SUGCT: variants seen among roughly 807,000 people sequenced by gnomAD.
SUGCT encodes the protein succinyl-CoA:glutarate-CoA transferase, also known as succinyl-CoA:glutarate CoA-transferase.
Under a neutral mutation model 55.0 loss-of-function variants are expected in SUGCT, and 41 were observed. The ratio of observed to expected loss-of-function variants is 0.74; its 90% confidence interval spans 0.58 to 0.97. SUGCT has a LOEUF of 0.97. Ranked by LOEUF, SUGCT falls within the 50% of genes least tolerant of loss-of-function variation. The pLI, the probability that SUGCT is intolerant of heterozygous loss-of-function variation, is 0.00. For missense variants in SUGCT, 568 were observed against 547.8 expected (o/e 1.04, Z -0.37); for synonymous variants, 187 against 200.4 (o/e 0.93, Z 0.56).
At chr7:40,231,309 G>T (rs1469082383) in intron 6 of SUGCT, among the ~76,000 whole-genome samples, 1 of 152,134 alleles carries the variant, frequency 6.6e-6, no homozygotes, top group Non-Finnish European at 1.5e-5. Context: ...CTAAGTTACT[G>T]GTAGACGTAA....
At chr7:40,773,771 C>A (rs1584419813) in intron 13 of SUGCT, among the ~76,000 whole-genome samples, 2 of 152,104 alleles carry the variant, frequency 1.3e-5, no homozygotes, top group African/African-American at 4.8e-5. Flanking sequence ...AAGGTGTGCA[C>A]CCCCATGGAG....
At chr7:40,850,174 TG>T (rs1297376185) in intron 13 of SUGCT, among the ~76,000 whole-genome samples, 1 of 152,140 alleles carries the variant, frequency 6.6e-6, no homozygotes, top group Non-Finnish European at 1.5e-5. Flanking sequence ...CTCCTTCCTT[TG>T]CTCTCTTTCT....
chr7:40,277,188 T>C (rs1792558452), intron 8 of SUGCT, among the ~76,000 whole-genome samples: 1 of 152,170 alleles, frequency 6.6e-6, no homozygotes, highest in Admixed American at 6.5e-5. Flanking sequence ...TATTTCAGTC[T>C]CATTAACTAT....
intron 12 of SUGCT, among the ~76,000 whole-genome samples, chr7:40,601,756 A>G (rs1456299469): frequency 6.7e-6 from 1 of 149,184 alleles, no homozygotes; most frequent in East Asian, 2.0e-4. Context: ...TTTTTTTCTC[A>G]TCAGCTATCT....
chr7:40,907,126 TGTGTGTGTGTGTGTGAGAGAGAGA>T, the SUGCT span, among the ~76,000 whole-genome samples: 1 of 78,704 alleles, frequency 1.3e-5, no homozygotes, highest in African/African-American at 4.6e-5. Flanking sequence ...TGTGTGTGTG[TGTGTGTGTGTGTGTGAGAGAGAGA>T]GAGAGAGAGA....
At chr7:40,831,868 T>TC (rs1792684632) in intron 13 of SUGCT, among the ~76,000 whole-genome samples, 1 of 152,032 alleles carries the variant, frequency 6.6e-6, no homozygotes, top group Non-Finnish European at 1.5e-5. Flanking sequence ...AGGAAGAGAG[T>TC]ACAGGCTCAC....
chr7:40,248,888 G>GCGCGCACACA (rs774950218), intron 7 of SUGCT, among the ~76,000 whole-genome samples: 10 of 135,574 alleles, frequency 7.4e-5, no homozygotes, highest in African/African-American at 2.9e-4. Context: ...GCGCGCGCTC[G>GCGCGCACACA]CACACACACA....
chr7:40,954,773 C>A, the SUGCT span, among the ~76,000 whole-genome samples: 1 of 152,062 alleles, frequency 6.6e-6, no homozygotes, highest in Non-Finnish European at 1.5e-5. Flanking sequence ...GGTTTTAGGT[C>A]TTATGTTTAA....
intron 9 of SUGCT, among the ~76,000 whole-genome samples, chr7:40,364,802 G>C (rs1583517003): frequency 6.6e-6 from 1 of 152,174 alleles, no homozygotes; most frequent in Middle Eastern, 3.4e-3. Flanking sequence ...TCCAGGACCA[G>C]ATGGATTCAC....
intron 9 of SUGCT, among the ~76,000 whole-genome samples, chr7:40,366,395 A>G (rs908906058): frequency 3.3e-5 from 5 of 152,302 alleles, no homozygotes; most frequent in Admixed American, 1.3e-4. Context: ...AATGGCAACA[A>G]AAGCCAAAAT....
At chr7:40,806,548 T>C (rs1791102814) in intron 13 of SUGCT, among the ~76,000 whole-genome samples, 1 of 152,188 alleles carries the variant, frequency 6.6e-6, no homozygotes. Context: ...AATGATCTTG[T>C]TGTCTTATAC....
intron 9 of SUGCT, among the ~76,000 whole-genome samples, chr7:40,415,268 C>CAAAA (rs35619419): frequency 1.9e-5 from 2 of 107,860 alleles, no homozygotes; most frequent in African/African-American, 3.6e-5. Flanking sequence ...GACTCCATCT[C>CAAAA]AAAAAAAAAA....
chr7:40,417,946 T>C (rs374305515), intron 9 of SUGCT, among the ~76,000 whole-genome samples: 17 of 151,968 alleles, frequency 1.1e-4, no homozygotes, highest in East Asian at 5.8e-4. Flanking sequence ...ATATTATATG[T>C]TATGCAGCAT....
At chr7:40,768,318 G>A (rs936775337) in intron 13 of SUGCT, among the ~76,000 whole-genome samples, 5 of 152,110 alleles carry the variant, frequency 3.3e-5, no homozygotes, top group African/African-American at 1.2e-4. Flanking sequence ...TCTGCAGGAA[G>A]CCTCGGCTGC....
intron 7 of SUGCT, among the ~76,000 whole-genome samples, chr7:40,250,826 T>TTA (rs2150930833): frequency 2.2e-5 from 2 of 92,070 alleles, no homozygotes; most frequent in South Asian, 7.6e-4. Context: ...CATTTCACGC[T>TTA]TCTTTTTTTT....
chr7:40,378,603 G>T (rs1784720571), intron 9 of SUGCT, among the ~76,000 whole-genome samples: 2 of 152,154 alleles, frequency 1.3e-5, no homozygotes, highest in Admixed American at 1.3e-4. Context: ...CTCCTGAGTA[G>T]CTGGGACTAC....
intron 12 of SUGCT, among the ~76,000 whole-genome samples, chr7:40,542,300 A>G (rs1794733568): frequency 6.6e-6 from 1 of 152,146 alleles, no homozygotes; most frequent in Non-Finnish European, 1.5e-5. Context: ...TGTCTCAAAG[A>G]GGTAAATAAC....
chr7:40,834,705 G>C (rs1472279099), intron 13 of SUGCT, among the ~76,000 whole-genome samples: 2 of 152,166 alleles, frequency 1.3e-5, no homozygotes, highest in Admixed American at 1.3e-4. Flanking sequence ...GAATTCAGCA[G>C]TAAGCAGCCA....
At chr7:40,245,534 G>A in intron 7 of SUGCT, among the ~76,000 whole-genome samples, 1 of 140,426 alleles carries the variant, frequency 7.1e-6, no homozygotes, top group East Asian at 2.1e-4. Context: ...CTGCCTCCCG[G>A]GTTCATGCCA....
Sources: allele counts gnomAD v4.1 joint callset (sites outside exome capture counted in the v4.1 genomes callset), GRCh38; gene constraint gnomAD v4.1.1; transcripts MANE v1.5; gene names NCBI Gene and HGNC (gene_info 2026-07-23, HGNC 2026-07-21).